The following PLD5 variants were observed in gnomAD, a reference collection of about 807,000 sequenced individuals.
PLD5 encodes the protein phospholipase D family member 5.
A neutral mutation model predicts 61.1 loss-of-function variants in PLD5; 36 were observed. The ratio of observed to expected loss-of-function variants is 0.59; its 90% CI spans 0.45 to 0.78. PLD5 has a LOEUF of 0.78. PLD5 is among the 30% of genes least tolerant of loss of function. The pLI is 0.00. For missense variants in PLD5, 515 were observed against 644.4 expected (o/e 0.80, Z 2.17); for synonymous variants, 243 against 242.8 (o/e 1.00, Z -0.01).
intron 5 of PLD5, among the ~76,000 whole-genome samples, chr1:242,167,761 C>T (rs1666436296): frequency 6.6e-6 from 1 of 152,128 alleles, no homozygotes; most frequent in Non-Finnish European, 1.5e-5. Flanking sequence ...TAAATACATC[C>T]ATAGATGTGG....
chr1:242,318,544 C>T (rs1351189750), intron 2 of PLD5, among the ~76,000 whole-genome samples: 3 of 152,172 alleles, frequency 2.0e-5, no homozygotes, highest in Non-Finnish European at 4.4e-5. Flanking sequence ...TTCCTGGAAC[C>T]ATCTCGTACC....
At chr1:242,271,215 G>C (rs201671979) in intron 3 of PLD5, among the ~76,000 whole-genome samples, 63,518 of 115,118 alleles carry the variant, frequency 0.55, 18,157 homozygotes, top group East Asian at 0.62. Context: ...GAGAGAGAGA[G>C]AGAGAGAGAG....
intron 1 of PLD5, among the ~76,000 whole-genome samples, chr1:242,405,870 G>A (rs1811697): frequency 0.4 from 60,205 of 151,794 alleles, 12,420 homozygotes; most frequent in African/African-American, 0.51. Flanking sequence ...CCAAAGTGCT[G>A]GGATTACAGG....
rs202037513 is a variant in PLD5 at position 242,175,788 on chromosome 1, AT to A, written c.735+44199del. On this transcript the variant is annotated intron_variant, in intron 5 of 9. Coordinates refer to ENST00000536534, the MANE Select transcript of PLD5 (RefSeq NM_001372062.1). ...AAATCAATGTGCAAATATCACAGGC[AT>A]TCCTATACACCAATAATAGACAAAC... is the stretch of plus-strand genomic sequence containing the variant. Among the ~76,000 whole-genome samples, 414 of 152,368 alleles carry A rather than the reference AT, an allele frequency of 2.7e-3. 2 individuals carry two copies. The highest frequency in any genetic ancestry group is 8.9e-3 in the African/African-American group (371 of 41,582).
At chr1:242,480,783 A>G (rs1484026188) in intron 1 of PLD5, among the ~76,000 whole-genome samples, 2 of 152,224 alleles carry the variant, frequency 1.3e-5, no homozygotes, top group Non-Finnish European at 2.9e-5. Flanking sequence ...AATGCAAATT[A>G]AAAACCACAA....
chr1:242,208,023 C>CACACACACACAT (rs1402808465), intron 5 of PLD5, among the ~76,000 whole-genome samples: 1 of 137,674 alleles, frequency 7.3e-6, no homozygotes, highest in Non-Finnish European at 1.5e-5. Flanking sequence ...CACACACACA[C>CACACACACACAT]ATACATATAT....
intron 1 of PLD5, among the ~76,000 whole-genome samples, chr1:242,371,948 T>C (rs149252991): frequency 6.6e-6 from 1 of 152,254 alleles, no homozygotes; most frequent in Non-Finnish European, 1.5e-5. Flanking sequence ...ATATGTGTCA[T>C]GCTGCTTTGC....
chr1:242,465,837 G>C (rs947620491), intron 1 of PLD5, among the ~76,000 whole-genome samples: 2 of 152,172 alleles, frequency 1.3e-5, no homozygotes, highest in Non-Finnish European at 2.9e-5. Flanking sequence ...GGCTGAGGCA[G>C]AGAATTGCTT....
At chr1:242,168,026 A>G (rs1373798802) in intron 5 of PLD5, among the ~76,000 whole-genome samples, 1 of 152,224 alleles carries the variant, frequency 6.6e-6, no homozygotes, top group Admixed American at 6.5e-5. Flanking sequence ...AAATCAATGG[A>G]ACCAGAATCT....
intron 1 of PLD5, among the ~76,000 whole-genome samples, chr1:242,382,140 C>CAAA (rs771218262): frequency 1.1e-4 from 11 of 99,192 alleles, no homozygotes; most frequent in African/African-American, 4.3e-4. Flanking sequence ...AAAAAAAAAA[C>CAAA]AAAACAAAAA....
Position 242,417,020 on chromosome 1 carries a change from A to G in PLD5, c.190-68778T>C, listed in dbSNP as rs958536711. On this transcript the variant is annotated intron_variant, in intron 1 of 9. Transcript: ENST00000536534. ...AAAGGGTAGTTAAAAAAAATCTATAAAATATATAATATTTCAGATGGCTGT... is the reference window on the plus strand; with the variant it reads ...AAAGGGTAGTTAAAAAAAATCTATAGAATATATAATATTTCAGATGGCTGT... Among the ~76,000 whole-genome samples, 29 of 152,330 alleles carry G rather than the reference A, an allele frequency of 1.9e-4. 1 individual carries two copies. Among genetic ancestry groups the G allele is most frequent in the African/African-American group, 6.7e-4 (28 of 41,562 alleles).
rs562438867 is a variant in PLD5 at position 242,500,955 on chromosome 1, T to C, written c.189+23133A>G. ...CATATCCACATACCACCTAGAGTAG[T>C]ATCATTTAACGTTTTTCTTTAAGTC... On this transcript the variant is annotated intron_variant, in intron 1 of 9. Transcript: ENST00000536534. Among the ~76,000 whole-genome samples the C allele has an allele frequency of 5.9e-5, 9 of 152,264 alleles. No individual in the cohort carries two copies. In the South Asian group the frequency reaches 1.2e-3, roughly 21 times the overall value.
In PLD5 at chr1:242,256,798, T is replaced by TATC. The variant is rs1673061092; in HGVS notation, c.607+8538_607+8539insGAT. Among the ~76,000 whole-genome samples, 2 of 144,440 alleles carry TATC rather than the reference T, an allele frequency of 1.4e-5. No individual in the cohort carries two copies. Among genetic ancestry groups the TATC allele is most frequent in the Admixed American group, 1.4e-4 (2 of 14,490 alleles). 94.8% of individuals were successfully genotyped at this position (144,440 alleles called of 152,430 possible). A position where few individuals can be genotyped will look rare whatever the true frequency, so the allele number is the denominator to read the frequency against. On this transcript the variant is annotated intron_variant, in intron 4 of 9. Transcript: ENST00000536534. This position sits in a 1 kb window ranked among gnomAD's most constrained non-coding sequence, Gnocchi z 5.7. The stretch of plus-strand genomic sequence containing the variant: ...TCTATCTATCTATCTATCTATCTAT[T>TATC]AATATCTATCTTTCTATGTATCTGT...
intron 5 of PLD5, among the ~76,000 whole-genome samples, chr1:242,143,477 G>C (rs1296711479): frequency 6.6e-6 from 1 of 152,182 alleles, no homozygotes; most frequent in African/African-American, 2.4e-5. Flanking sequence ...ATCACCTCAT[G>C]GAAGTGGTAA....
intron 1 of PLD5, chr1:242,365,170 T>A (rs1202384522): frequency 1.3e-5 from 2 of 152,194 alleles, no homozygotes; most frequent in Non-Finnish European, 2.9e-5. Flanking sequence ...CTTTTCCAAT[T>A]ACCATGGCAT....
rs145556649 is a variant in PLD5, at chr1:242,096,530, C to T, written c.1354+4138G>A. 9.4e-3 allele frequency among the ~76,000 whole-genome samples: 1,426 copies of T among 151,492 alleles called. 13 individuals are homozygous for T. Among genetic ancestry groups the T allele is most frequent in the Non-Finnish European group, 0.015 (1,048 of 67,824 alleles). On this transcript the variant is annotated intron_variant, in intron 9 of 9. Transcript: ENST00000536534. ...CTAATTTTTGTATTTTTAGTAGAGA[C>T]GGGGTTTCACCATGTTGCCCAGGCT...
At chr1:242,427,298 A>T (rs1665484027) in intron 1 of PLD5, among the ~76,000 whole-genome samples, 1 of 152,256 alleles carries the variant, frequency 6.6e-6, no homozygotes, top group South Asian at 2.1e-4. Flanking sequence ...AGAAGATATC[A>T]ACAGTAATAT....
intron 1 of PLD5, among the ~76,000 whole-genome samples, chr1:242,474,244 T>C (rs940373615): frequency 6.6e-6 from 1 of 152,214 alleles, no homozygotes; most frequent in African/African-American, 2.4e-5. Context: ...CAAGTGCCAC[T>C]GGCCATCCTA....
chr1:242,140,978 C>G (rs1664118683), intron 5 of PLD5, among the ~76,000 whole-genome samples: 6 of 152,162 alleles, frequency 3.9e-5, no homozygotes, highest in Admixed American at 3.9e-4. Context: ...CTGTGGAGCC[C>G]TTGTGGTCAG....
Sources: gnomAD v4.1 joint callset for allele counts (sites outside exome capture counted in the v4.1 genomes callset) on GRCh38, gnomAD v4.1.1 for gene constraint, Gnocchi (gnomAD v3.1) non-coding constraint, MANE v1.5 for transcripts, NCBI Gene and HGNC (gene_info 2026-07-23, HGNC 2026-07-21) for gene names.